Variants in FGF12 observed in about 807,000 individuals in gnomAD.
The protein encoded by FGF12 is fibroblast growth factor 12B.
Under a neutral mutation model 23.6 loss-of-function variants are expected in FGF12, and 14 were observed. That is an observed-to-expected ratio of 0.59 (90% CI 0.39 to 0.93). The LOEUF (loss-of-function observed/expected upper bound fraction) is 0.93. Among genes scored for constraint, FGF12 ranks in the 40% least tolerant of loss-of-function variants. The pLI, the probability that FGF12 is intolerant of heterozygous loss-of-function variation, is 0.00. For synonymous variants in FGF12, 62 were observed against 77.3 expected, an observed-to-expected ratio of 0.80 and a Z score of 1.04; for missense variants, 175 against 217.8, an observed-to-expected ratio of 0.80 and a Z score of 1.24.
intron 4 of FGF12, among the ~76,000 whole-genome samples, chr3:192,233,965 C>T (rs1259082085): frequency 6.6e-6 from 1 of 152,064 alleles, no homozygotes; most frequent in African/African-American, 2.4e-5. Flanking sequence ...TTACTGTCAC[C>T]CTGTAATATA....
chr3:192,652,094 C>A (rs1251407085), intron 2 of FGF12, among the ~76,000 whole-genome samples: 1 of 152,178 alleles, frequency 6.6e-6, no homozygotes, highest in Non-Finnish European at 1.5e-5. Context: ...CACACGATCC[C>A]TGCCCTTCTG....
chr3:192,619,615 G>C (rs1243855305), intron 2 of FGF12, among the ~76,000 whole-genome samples: 1 of 152,092 alleles, frequency 6.6e-6, no homozygotes, highest in African/African-American at 2.4e-5. Flanking sequence ...TCTTGCTCAG[G>C]TATGAGATTT....
rs191503094 is a variant in FGF12 at position 192,139,541 on chromosome 3, G to A, written c.*4468C>T. The A allele has an allele frequency of 5.3e-5, 8 of 152,184 alleles. No individual in the cohort carries two copies. The highest frequency in any genetic ancestry group is 2.9e-5 in the Non-Finnish European group (2 of 67,960). 9.4% of individuals were successfully genotyped at this position (152,184 alleles called of 1,614,324 possible). A position where few individuals can be genotyped will look rare whatever the true frequency, so the allele number is the denominator to read the frequency against. Reference sequence around the variant, plus strand: ...GCTAATACCAATTCTAGCCATGGGAGTATGTTTTGGACTTTTTGAACAATT... The same window carrying A: ...GCTAATACCAATTCTAGCCATGGGAATATGTTTTGGACTTTTTGAACAATT... On this transcript the variant is annotated 3_prime_UTR_variant, in exon 6 of 6. Coordinates refer to ENST00000445105, the MANE Select transcript of FGF12 (RefSeq NM_004113.6).
In FGF12 at chr3:192,675,368, T is replaced by C. The variant is rs368070546; in HGVS notation, c.13+51813A>G. On this transcript the variant is annotated intron_variant, in intron 2 of 5. Coordinates refer to ENST00000445105, the MANE Select transcript of FGF12 (RefSeq NM_004113.6). ...AAAACAAAATTTAAGATAATTTACATAGTGACATAAATGATAAAACCAAGA... is the reference window on the plus strand; with the variant it reads ...AAAACAAAATTTAAGATAATTTACACAGTGACATAAATGATAAAACCAAGA... Among the ~76,000 whole-genome samples, 632 of 152,136 alleles carry C rather than the reference T, an allele frequency of 4.2e-3. 5 individuals are homozygous for C. The highest frequency in any genetic ancestry group is 0.015 in the African/African-American group (606 of 41,496).
chr3:192,288,381 C>A (rs1714573334), intron 4 of FGF12, among the ~76,000 whole-genome samples: 1 of 152,056 alleles, frequency 6.6e-6, no homozygotes, highest in Non-Finnish European at 1.5e-5. Flanking sequence ...AAGAGAAAGA[C>A]AAAACATAGT....
rs546209351 is a variant in FGF12, at chr3:192,317,274, G to C, written c.228+18087C>G. 6.6e-5 allele frequency among the ~76,000 whole-genome samples: 10 copies of C among 151,934 alleles called. 1 individual carries two copies. The highest frequency in any genetic ancestry group is 6.6e-4 in the Admixed American group (10 of 15,230). On this transcript the variant is annotated intron_variant, in intron 4 of 5. Coordinates refer to ENST00000445105, the MANE Select transcript of FGF12 (RefSeq NM_004113.6). Reference sequence around the variant, plus strand: ...CACAGTGGAGTACAGCATCAAGCAGGTTCCCAGGGTAGCCAGCTCCAGGCC... The same window carrying C: ...CACAGTGGAGTACAGCATCAAGCAGCTTCCCAGGGTAGCCAGCTCCAGGCC...
rs1719641753 is a variant in FGF12, at chr3:192,378,088, T to TTCTTTCTTTCTG, written c.14-17551_14-17550insCAGAAAGAAAGA. ...TTTCTTTCTTTCTTTCTTTCTTTCTTTCTTTCTTCTTTCTTTCCTTCTTTC... is the reference window on the plus strand; with the variant it reads ...TTTCTTTCTTTCTTTCTTTCTTTCTTTCTTTCTTTCTGTCTTTCTTCTTTCTTTCCTTCTTTC... On this transcript the variant is annotated intron_variant, in intron 2 of 5. Transcript: ENST00000445105. 1.7e-5 allele frequency among the ~76,000 whole-genome samples: 2 copies of TTCTTTCTTTCTG among 119,544 alleles called. 1 individual carries two copies. Among genetic ancestry groups the TTCTTTCTTTCTG allele is most frequent in the African/African-American group, 7.3e-5 (2 of 27,294 alleles). 78.4% of individuals were successfully genotyped at this position (119,544 alleles called of 152,430 possible).
At chr3:192,197,526 T>A (rs1421064085) in intron 4 of FGF12, among the ~76,000 whole-genome samples, 1 of 152,232 alleles carries the variant, frequency 6.6e-6, no homozygotes, top group African/African-American at 2.4e-5. Flanking sequence ...TAAGTCCCTC[T>A]GCATTTGAAA....
rs763146565 is a variant in FGF12, at chr3:192,727,225, T to C, written c.-32A>G. The C allele has an allele frequency of 2.4e-5, 37 of 1,574,184 alleles. No individual in the cohort carries two copies. Among genetic ancestry groups the C allele is most frequent in the Non-Finnish European group, 3.0e-5 (35 of 1,159,652 alleles). On this transcript the variant is annotated 5_prime_UTR_variant, in exon 2 of 6. Transcript: ENST00000445105. ...CCCTTTCGAGTGCTGGGAAGTTCAA[T>C]GGAAGTTGGCCGGAAGATGTGGGCC... is the stretch of plus-strand genomic sequence containing the variant.
chr3:192,538,798 T>A (rs1406034244), intron 2 of FGF12, among the ~76,000 whole-genome samples: 1 of 152,222 alleles, frequency 6.6e-6, no homozygotes, highest in East Asian at 1.9e-4. Flanking sequence ...ATTTCTTTGT[T>A]GTGCTCTTTA....
intron 2 of FGF12, among the ~76,000 whole-genome samples, chr3:192,551,870 G>A (rs1305100988): frequency 6.6e-6 from 1 of 151,944 alleles, no homozygotes; most frequent in Non-Finnish European, 1.5e-5. Context: ...ATAGTCAAAA[G>A]TAAAAAGTTG....
chr3:192,555,074 G>A (rs562651476), intron 2 of FGF12, among the ~76,000 whole-genome samples: 1 of 152,050 alleles, frequency 6.6e-6, no homozygotes. Flanking sequence ...CAATATGAGG[G>A]TCTCAGAAGA....
At chr3:192,548,319 C>A (rs1329725991) in intron 2 of FGF12, among the ~76,000 whole-genome samples, 2 of 152,084 alleles carry the variant, frequency 1.3e-5, no homozygotes, top group African/African-American at 2.4e-5. Flanking sequence ...AAACACGAAT[C>A]AGAAATATTT....
At chr3:192,539,118 G>C (rs950862010) in intron 2 of FGF12, among the ~76,000 whole-genome samples, 3 of 152,092 alleles carry the variant, frequency 2.0e-5, no homozygotes, top group Non-Finnish European at 4.4e-5. Context: ...TTCCAGCGTG[G>C]ATGCTTTTTA....
chr3:192,494,883 T>C (rs899700748), intron 2 of FGF12, among the ~76,000 whole-genome samples: 6 of 151,932 alleles, frequency 3.9e-5, no homozygotes, highest in African/African-American at 1.5e-4. Context: ...CTTTTTGAGA[T>C]GGAGTCTTCC....
intron 3 of FGF12, among the ~76,000 whole-genome samples, chr3:192,341,774 A>T (rs1717702727): frequency 6.6e-6 from 1 of 152,204 alleles, no homozygotes; most frequent in South Asian, 2.1e-4. Context: ...TGATATGCGA[A>T]ATGTCATTTT....
chr3:192,267,617 C>T (rs79665041), intron 4 of FGF12, among the ~76,000 whole-genome samples: 4,150 of 152,086 alleles, frequency 0.027, 136 homozygotes, highest in African/African-American at 0.083. Context: ...TCTCTTTTCC[C>T]GTAACATATC....
chr3:192,340,414 G>A lies in FGF12; in HGVS notation c.125-4950C>T, dbSNP rs536065761. On this transcript the variant is annotated intron_variant, in intron 3 of 5. Transcript: ENST00000445105. ...ACAGATAGAGACAGAGAAAACAAGA[G>A]GGAGAATATGCAGGGTAGTATATAT... Among the ~76,000 whole-genome samples the A allele has an allele frequency of 3.3e-5, 5 of 152,208 alleles. No individual in the cohort carries two copies. The South Asian group carries it at 1.0e-3, about 32-fold the overall frequency.
At chr3:192,376,927 A>T (rs1234579291) in intron 2 of FGF12, among the ~76,000 whole-genome samples, 1 of 152,146 alleles carries the variant, frequency 6.6e-6, no homozygotes, top group Non-Finnish European at 1.5e-5. Context: ...GTTTCCCTGG[A>T]CTGTGAAACA....
Sources: gnomAD v4.1 joint callset for allele counts (sites outside exome capture counted in the v4.1 genomes callset) on GRCh38, gnomAD v4.1.1 for gene constraint, MANE v1.5 for transcripts, NCBI Gene and HGNC (gene_info 2026-07-23, HGNC 2026-07-21) for gene names.